The following BTRC variants were observed in gnomAD, a reference collection of about 807,000 sequenced individuals.
The protein encoded by BTRC is beta-transducin repeat containing E3 ubiquitin protein ligase, also known as F-box/WD repeat-containing protein 1A.
A neutral mutation model predicts 85.5 loss-of-function variants in BTRC; 42 were observed. That is an observed-to-expected ratio of 0.49 (90% CI 0.38 to 0.64). The LOEUF is 0.64. Ranked by LOEUF, BTRC falls within the 30% of genes least tolerant of loss-of-function variation. The probability of loss-of-function intolerance (pLI) is 0.00; values close to 1 mark genes in which losing one functional copy is unlikely to be tolerated. For synonymous variants in BTRC, 255 were observed against 263.3 expected (o/e 0.97, Z 0.30); for missense variants, 594 against 743.5 (o/e 0.80, Z 2.34).
chr10:101,532,221 T>C, intron 7 of BTRC, 74 bp from the exon 8 acceptor site: 1 of 1,480,788 alleles, frequency 6.8e-7, no homozygotes, highest in African/African-American at 1.4e-5. Context: ...AGCCATTGAT[T>C]GTCATTAAAG....
chr10:101,357,440 CA>C (rs11294551), intron 1 of BTRC, among the ~76,000 whole-genome samples: 24,166 of 85,030 alleles, frequency 0.28, 1,651 homozygotes, highest in East Asian at 0.53. Context: ...GACTCTGTCT[CA>C]AAAAAAAAAA....
intron 4 of BTRC, among the ~76,000 whole-genome samples, chr10:101,508,350 C>T (rs1589568632): frequency 6.6e-6 from 1 of 152,090 alleles, no homozygotes; most frequent in South Asian, 2.1e-4. Context: ...TGAACTTTCC[C>T]TCTACTGACA....
In BTRC at chr10:101,554,938, C is replaced by T. The variant is rs2062706593; in HGVS notation, c.*1815C>T. On this transcript the variant is annotated 3_prime_UTR_variant, in exon 15 of 15. Coordinates refer to ENST00000370187, the MANE Select transcript of BTRC (RefSeq NM_033637.4). The stretch of plus-strand genomic sequence containing the variant: ...TTTTATGCATATGCATTCTACCTTT[C>T]CTGCTTTATGAGTATTTTTAAGCTT... 1 of 152,228 alleles carries T rather than the reference C, an allele frequency of 6.6e-6. No homozygotes were observed. Among genetic ancestry groups the T allele is most frequent in the African/African-American group, 2.4e-5 (1 of 41,464 alleles). The allele number at this position is 152,228 out of a possible 1,614,324, so 9.4% of individuals were successfully genotyped here. A position where few individuals can be genotyped will look rare whatever the true frequency, so the allele number is the denominator to read the frequency against.
chr10:101,443,549 C>T (rs964194813), intron 2 of BTRC, among the ~76,000 whole-genome samples: 7 of 152,246 alleles, frequency 4.6e-5, no homozygotes, highest in East Asian at 1.9e-4. Context: ...GCATTTAAAA[C>T]GATCACTTTC....
At chr10:101,475,802 C>T (rs1322551808) in intron 3 of BTRC, among the ~76,000 whole-genome samples, 1 of 150,544 alleles carries the variant, frequency 6.6e-6, no homozygotes, top group Non-Finnish European at 1.5e-5. Context: ...ATAATAAATT[C>T]ACTATTAGAA....
At chr10:101,421,918 G>A (rs530113298) in intron 1 of BTRC, among the ~76,000 whole-genome samples, 2 of 152,124 alleles carry the variant, frequency 1.3e-5, no homozygotes, top group East Asian at 3.9e-4. Flanking sequence ...TGTGAATAGT[G>A]CCACAGTAAA....
At chr10:101,509,719 ATTTTTT>A (rs549474862) in intron 4 of BTRC, among the ~76,000 whole-genome samples, 9,711 of 120,306 alleles carry the variant, frequency 0.081, 372 homozygotes, top group African/African-American at 0.1. Flanking sequence ...CACACAGCTA[ATTTTTT>A]TTTTTTTTTT....
intron 5 of BTRC, among the ~76,000 whole-genome samples, chr10:101,522,607 G>A (rs2062133931): frequency 6.6e-6 from 1 of 150,694 alleles, no homozygotes. Context: ...TTTTAGTAGA[G>A]GCGGGGTTTC....
At chr10:101,472,894 C>T (rs188178915) in intron 3 of BTRC, among the ~76,000 whole-genome samples, 4 of 152,248 alleles carry the variant, frequency 2.6e-5, no homozygotes, top group East Asian at 1.9e-4. Context: ...CTTTATCACT[C>T]GTTTTCAGCA....
chr10:101,541,850 T>G (rs533371397), intron 13 of BTRC, among the ~76,000 whole-genome samples: 80 of 152,174 alleles, frequency 5.3e-4, no homozygotes, highest in East Asian at 2.9e-3. Flanking sequence ...TTAAGGATTT[T>G]TGTGTGTGTG....
chr10:101,497,931 A>G (rs1368452798), intron 4 of BTRC, among the ~76,000 whole-genome samples: 1 of 150,652 alleles, frequency 6.6e-6, no homozygotes, highest in African/African-American at 2.4e-5. Flanking sequence ...GAGGCAGGAG[A>G]ATTGCTTGAA....
intron 4 of BTRC, among the ~76,000 whole-genome samples, chr10:101,497,577 G>A (rs193118512): frequency 9.2e-5 from 14 of 152,150 alleles, no homozygotes; most frequent in Middle Eastern, 3.4e-3. Context: ...ATGGTGGTGC[G>A]CACCTGTAGT....
chr10:101,525,914 A>G (rs2062184257), intron 5 of BTRC, 99 bp from the exon 6 acceptor site: 9 of 1,197,822 alleles, frequency 7.5e-6, no homozygotes, highest in South Asian at 6.0e-5. Context: ...ATGTGCCTTC[A>G]TAGCAGAACA....
chr10:101,515,276 T>C (rs2062008539), intron 4 of BTRC, among the ~76,000 whole-genome samples: 1 of 152,072 alleles, frequency 6.6e-6, no homozygotes, highest in African/African-American at 2.4e-5. Flanking sequence ...TTTTCAGGAA[T>C]ATTTTGGTTA....
chr10:101,465,032 A>T (rs1422565742), intron 3 of BTRC, among the ~76,000 whole-genome samples: 1 of 152,140 alleles, frequency 6.6e-6, no homozygotes, highest in Non-Finnish European at 1.5e-5. Context: ...ATAGTATATA[A>T]GCTGTTTAAA....
At chr10:101,474,209 C>T (rs1292819373) in intron 3 of BTRC, among the ~76,000 whole-genome samples, 2 of 152,068 alleles carry the variant, frequency 1.3e-5, no homozygotes, top group Non-Finnish European at 2.9e-5. Flanking sequence ...TGGTACATTG[C>T]AGAAACTCTG....
At chr10:101,487,014 TA>T (rs1366902839) in intron 4 of BTRC, among the ~76,000 whole-genome samples, 2 of 152,226 alleles carry the variant, frequency 1.3e-5, no homozygotes, top group Non-Finnish European at 1.5e-5. Flanking sequence ...TTACATTTTA[TA>T]AGAACATATC....
At chr10:101,367,055 TATAA>T (rs1942481242) in intron 1 of BTRC, among the ~76,000 whole-genome samples, 1 of 98,734 alleles carries the variant, frequency 1.0e-5, no homozygotes, top group African/African-American at 3.8e-5. Flanking sequence ...TATATATATA[TATAA>T]ATATAAATAT....
chr10:101,543,761 T>C (rs778616846), intron 13 of BTRC, among the ~76,000 whole-genome samples: 17 of 152,180 alleles, frequency 1.1e-4, no homozygotes, highest in Non-Finnish European at 2.5e-4. Flanking sequence ...TACCACTTCA[T>C]GTATAATGTA....
Sources: allele counts gnomAD v4.1 joint callset (sites outside exome capture counted in the v4.1 genomes callset), GRCh38; gene constraint gnomAD v4.1.1; transcripts MANE v1.5; gene names NCBI Gene and HGNC (gene_info 2026-07-23, HGNC 2026-07-21).